Variants in LRRN2 observed in about 807,000 individuals in gnomAD.
LRRN2 encodes leucine rich repeat neuronal 2.
LRRN2 carries 10 observed loss-of-function variants against 35.7 expected under a neutral mutation model. The ratio of observed to expected loss-of-function variants is 0.28; its 90% confidence interval spans 0.17 to 0.47. The LOEUF (loss-of-function observed/expected upper bound fraction) is 0.47. Ranked by LOEUF, LRRN2 falls within the 20% of genes least tolerant of loss-of-function variation. LRRN2 has a pLI of 0.99. For synonymous variants in LRRN2, 391 were observed against 409.6 expected, an observed-to-expected ratio of 0.95 and a Z score of 0.55; for missense variants, 731 against 940.3, an observed-to-expected ratio of 0.78 and a Z score of 2.91.
At chr1:204,676,354 G>A (rs1427315015) in intron 1 of LRRN2, among the ~76,000 whole-genome samples, 6 of 116,618 alleles carry the variant, frequency 5.1e-5, no homozygotes, top group Middle Eastern at 4.2e-3. Flanking sequence ...AGAAAACATA[G>A]GATCTTAGAC....
chr1:204,682,666 A>G (rs889848506), intron 1 of LRRN2, among the ~76,000 whole-genome samples: 3 of 152,232 alleles, frequency 2.0e-5, no homozygotes, highest in Non-Finnish European at 4.4e-5. Context: ...TAGGTATTCA[A>G]TAATAAATTT....
chr1:204,617,523 A>G lies in LRRN2; in HGVS notation c.*328T>C, dbSNP rs1297014648. 8.8e-6 allele frequency: 3 copies of G among 340,024 alleles called. No homozygotes were observed. The highest frequency in any genetic ancestry group is 6.4e-5 in the African/African-American group (3 of 46,660). 21.1% of individuals were successfully genotyped at this position (340,024 alleles called of 1,614,324 possible). On this transcript the variant is annotated 3_prime_UTR_variant, in exon 2 of 2. Coordinates refer to ENST00000367177, the MANE Select transcript of LRRN2 (RefSeq NM_201630.2). ...GAAGAGGAAGGGGTGCAGCCCGGGGACACAGGTAGGGGACAGCCAAGCCAG... is the reference window on the plus strand; with the variant it reads ...GAAGAGGAAGGGGTGCAGCCCGGGGGCACAGGTAGGGGACAGCCAAGCCAG...
At chr1:204,671,654 A>AT (rs1219828939) in intron 1 of LRRN2, among the ~76,000 whole-genome samples, 1 of 147,360 alleles carries the variant, frequency 6.8e-6, no homozygotes, top group Non-Finnish European at 1.5e-5. Context: ...AAAAAAAAAA[A>AT]AAAAAAAAAA....
chr1:204,662,746 C>T (rs1446511296), intron 1 of LRRN2, among the ~76,000 whole-genome samples: 2 of 152,214 alleles, frequency 1.3e-5, no homozygotes, highest in African/African-American at 2.4e-5. Flanking sequence ...GACCTAAATA[C>T]ACATTTGATG....
chr1:204,654,765 G>C (rs781060772), intron 1 of LRRN2, among the ~76,000 whole-genome samples: 1 of 152,208 alleles, frequency 6.6e-6, no homozygotes, highest in Non-Finnish European at 1.5e-5. Flanking sequence ...GCTTGCCCCA[G>C]TCCATGAGAG....
intron 1 of LRRN2, among the ~76,000 whole-genome samples, chr1:204,657,588 T>C (rs1298167730): frequency 6.6e-6 from 1 of 151,800 alleles, no homozygotes; most frequent in African/African-American, 2.4e-5. Context: ...AAGGGGAGAA[T>C]GAGGAGTGGC....
chr1:204,644,013 G>A (rs1399233499), intron 1 of LRRN2, among the ~76,000 whole-genome samples: 1 of 152,142 alleles, frequency 6.6e-6, no homozygotes, highest in African/African-American at 2.4e-5. Flanking sequence ...TGCTGGCAGA[G>A]AATCTGACAT....
intron 1 of LRRN2, among the ~76,000 whole-genome samples, chr1:204,623,201 C>T (rs974925493): frequency 3.3e-5 from 5 of 152,186 alleles, no homozygotes; most frequent in Non-Finnish European, 7.3e-5. Flanking sequence ...GCCCCAGCAT[C>T]TCCCTGACCT....
rs544112137 is a variant in LRRN2 at position 204,651,997 on chromosome 1, G to A, written c.-226-31779C>T. On this transcript the variant is annotated intron_variant, in intron 1 of 1. Coordinates refer to ENST00000367177, the MANE Select transcript of LRRN2 (RefSeq NM_201630.2). ...GTCTCCCAGTGCCCGGGTACCAGGT[G>A]CCTGCTGTGGCTTTCCCCAGTGGGA... 3.2e-4 allele frequency among the ~76,000 whole-genome samples: 48 copies of A among 152,346 alleles called. 1 individual carries two copies. In the East Asian group the frequency reaches 8.5e-3, roughly 27 times the overall value.
intron 1 of LRRN2, among the ~76,000 whole-genome samples, chr1:204,624,521 T>C (rs1571620227): frequency 6.6e-6 from 1 of 152,154 alleles, no homozygotes; most frequent in South Asian, 2.1e-4. Flanking sequence ...CTCGGGGCTG[T>C]TTCTGTGGAT....
At position 204,628,568 on chromosome 1, in the gene LRRN2, C is replaced by T. The variant is rs543935583; in HGVS notation, c.-226-8350G>A. On this transcript the variant is annotated intron_variant, in intron 1 of 1. Transcript: ENST00000367177. Reference sequence around the variant, plus strand: ...GAGGCACATTTCCCTGGGGGCGCTTCGAGACCATCTTTGTACTAGGCCAGC... The same window carrying T: ...GAGGCACATTTCCCTGGGGGCGCTTTGAGACCATCTTTGTACTAGGCCAGC... 4.6e-5 allele frequency: 7 copies of T among 152,362 alleles called. No individual in the cohort carries two copies. In the South Asian group the frequency reaches 6.2e-4, roughly 14 times the overall value. 9.4% of individuals were successfully genotyped at this position (152,362 alleles called of 1,614,324 possible). A position where few individuals can be genotyped will look rare whatever the true frequency, so the allele number is the denominator to read the frequency against.
intron 1 of LRRN2, among the ~76,000 whole-genome samples, chr1:204,662,940 A>C (rs780660884): frequency 3.3e-5 from 5 of 152,184 alleles, no homozygotes; most frequent in Non-Finnish European, 5.9e-5. Flanking sequence ...GGAAAAAAAA[A>C]GGCCTCAGAA....
chr1:204,656,211 C>T (rs1036475804), intron 1 of LRRN2, among the ~76,000 whole-genome samples: 2 of 152,128 alleles, frequency 1.3e-5, no homozygotes, highest in African/African-American at 4.8e-5. Flanking sequence ...GCCTGGCCCC[C>T]CTCTATTCTT....
chr1:204,676,264 C>T (rs532983001), intron 1 of LRRN2, among the ~76,000 whole-genome samples: 30 of 152,240 alleles, frequency 2.0e-4, no homozygotes, highest in Admixed American at 1.2e-3. Context: ...CACACTTTGA[C>T]CTTCAACACT....
chr1:204,679,645 C>T (rs1208519397), intron 1 of LRRN2, among the ~76,000 whole-genome samples: 1 of 152,226 alleles, frequency 6.6e-6, no homozygotes, highest in African/African-American at 2.4e-5. Context: ...ATCCCACTGA[C>T]AGCACAAATC....
Position 204,618,367 on chromosome 1 carries a change from C to A in LRRN2, c.1626G>T (p.Leu542=), listed in dbSNP as rs199551654. 6.2e-7 allele frequency: 1 copy of A among 1,604,342 alleles called. No homozygotes were observed. Among genetic ancestry groups the A allele is most frequent in the Non-Finnish European group, 8.5e-7 (1 of 1,174,338 alleles). Residue 542 remains leucine (L), a synonymous_variant, in exon 2 of 2, where the codon CTG becomes CTT. Coordinates refer to ENST00000367177, the MANE Select transcript of LRRN2 (RefSeq NM_201630.2). The stretch of plus-strand genomic sequence containing the variant: ...TGTTGGGTGGGGTGACCCAAGATAG[C>A]AGGATGTGATAGGGGTGGGTCTCCT... ...RVQETHPYHI[L]LSWVTPPNTV...
At chr1:204,623,872 C>T (rs1667109756) in intron 1 of LRRN2, among the ~76,000 whole-genome samples, 1 of 152,186 alleles carries the variant, frequency 6.6e-6, no homozygotes, top group Admixed American at 6.5e-5. Context: ...GTGTAGAGAA[C>T]ACGCATTGCA....
chr1:204,659,609 GGTGTGTGTGTGTGT>G (rs113175099), intron 1 of LRRN2, among the ~76,000 whole-genome samples: 1 of 148,068 alleles, frequency 6.8e-6, no homozygotes, highest in East Asian at 2.0e-4. Context: ...TCTACCTTCA[GGTGTGTGTGTGTGT>G]GTGTGTGTGT....
intron 1 of LRRN2, among the ~76,000 whole-genome samples, chr1:204,625,708 T>C (rs1181484275): frequency 6.6e-6 from 1 of 152,190 alleles, no homozygotes; most frequent in Non-Finnish European, 1.5e-5. Context: ...TCCTTTTCCA[T>C]GACAAGTTGG....
Sources: allele counts gnomAD v4.1 joint callset (sites outside exome capture counted in the v4.1 genomes callset), GRCh38; gene constraint gnomAD v4.1.1; transcripts MANE v1.5; gene names NCBI Gene and HGNC (gene_info 2026-07-23, HGNC 2026-07-21).